NPNT: variants seen among roughly 807,000 people sequenced by gnomAD.
The protein encoded by NPNT is preosteoblast EGF-like repeat protein with MAM domain.
A neutral mutation model predicts 68.6 loss-of-function variants in NPNT; 45 were observed. That is an observed-to-expected ratio of 0.66 (90% confidence interval 0.52 to 0.84). The LOEUF (loss-of-function observed/expected upper bound fraction) is 0.84, where lower values mean the gene tolerates loss of function less well. Among genes scored for constraint, NPNT ranks in the 40% least tolerant of loss-of-function variants. The probability of loss-of-function intolerance (pLI) is 0.00; values close to 1 mark genes in which losing one functional copy is unlikely to be tolerated. For synonymous variants in NPNT, 233 were observed against 253.3 expected, an observed-to-expected ratio of 0.92 and a Z score of 0.76; for missense variants, 672 against 714.8, an observed-to-expected ratio of 0.94 and a Z score of 0.68.
intron 10 of NPNT, among the ~76,000 whole-genome samples, chr4:105,960,989 C>G (rs1731676943): frequency 6.6e-6 from 1 of 152,112 alleles, no homozygotes; most frequent in African/African-American, 2.4e-5. Flanking sequence ...GAAAAGGAAT[C>G]TCTTTTAATT....
chr4:105,957,054 A>G (rs1423349709), intron 8 of NPNT, among the ~76,000 whole-genome samples: 6 of 151,984 alleles, frequency 3.9e-5, no homozygotes, highest in Admixed American at 3.9e-4. Flanking sequence ...ACTGTTTCAT[A>G]GTGTTCTACA....
chr4:105,960,198 T>G (rs113828509), intron 10 of NPNT, among the ~76,000 whole-genome samples: 1 of 152,216 alleles, frequency 6.6e-6, no homozygotes, highest in Non-Finnish European at 1.5e-5. Context: ...CTCCTGATTC[T>G]AGATTTTAAG....
At chr4:105,940,023 T>A in intron 5 of NPNT, 52 bp from the exon 6 acceptor site, 9 of 1,530,408 alleles carry the variant, frequency 5.9e-6, no homozygotes, top group Non-Finnish European at 3.6e-6. Flanking sequence ...AAACCCACTC[T>A]GTCTTAACAT....
At chr4:105,923,747 C>T (rs765501415) in intron 2 of NPNT, among the ~76,000 whole-genome samples, 9 of 152,132 alleles carry the variant, frequency 5.9e-5, no homozygotes, top group Non-Finnish European at 1.2e-4. Flanking sequence ...CACCCCATCA[C>T]TTCTGCTTTC....
chr4:105,895,927 G>A, intron 1 of NPNT: 1 of 563,146 alleles, frequency 1.8e-6, no homozygotes, highest in Non-Finnish European at 3.1e-6. Context: ...GCCCTTGCGA[G>A]TCTGGGACCC....
intron 7 of NPNT, 105 bp downstream of exon 7, chr4:105,940,741 A>G (rs1369637247): frequency 1.0e-6 from 1 of 992,024 alleles, no homozygotes; most frequent in African/African-American, 1.6e-5. Context: ...AAGAAGTATA[A>G]TTGTCATAAT....
intron 2 of NPNT, among the ~76,000 whole-genome samples, chr4:105,905,027 C>T (rs1409273630): frequency 1.3e-5 from 2 of 151,844 alleles, no homozygotes; most frequent in Non-Finnish European, 2.9e-5. Context: ...TGAGACACCG[C>T]GCCCGGCCAT....
chr4:105,946,866 GA>G (rs1260583091), intron 8 of NPNT, among the ~76,000 whole-genome samples: 1 of 152,104 alleles, frequency 6.6e-6, no homozygotes, highest in African/African-American at 2.4e-5. Flanking sequence ...TTAAACAACA[GA>G]AAACAGGTTC....
chr4:105,936,409 G>A (rs574012715), intron 3 of NPNT, among the ~76,000 whole-genome samples: 13 of 150,482 alleles, frequency 8.6e-5, no homozygotes, highest in South Asian at 4.3e-4. Flanking sequence ...AATTTATTTC[G>A]TTCTTATCCT....
Position 105,895,528 on chromosome 4 carries a change from G to C in NPNT, c.-125G>C. The C allele has an allele frequency of 1.3e-6, 1 of 763,178 alleles. No homozygotes were observed. The highest frequency in any genetic ancestry group is 1.9e-5 in the South Asian group (1 of 53,550). The allele number at this position is 763,178 out of a possible 1,614,324, so 47.3% of individuals were successfully genotyped here. On this transcript the variant is annotated 5_prime_UTR_variant, in exon 1 of 12. Transcript: ENST00000379987. ...CCGCTGTCCTCCGGGAGCGGCAGCA[G>C]TAGCCCGGGCGGCGAGGGCTGGGGG...
chr4:105,895,919 C>CTCT, intron 1 of NPNT, 196 bp downstream of exon 1: 1 of 576,546 alleles, frequency 1.7e-6, no homozygotes. Flanking sequence ...GAGGGCGCGC[C>CTCT]CTTGCGAGTC....
chr4:105,897,955 T>C lies in NPNT; in HGVS notation c.126T>C (p.Ile42=). The C allele has an allele frequency of 6.2e-7, 1 of 1,613,644 alleles. No individual in the cohort carries two copies. The highest frequency in any genetic ancestry group is 8.5e-7 in the Non-Finnish European group (1 of 1,179,848). Residue 42 remains isoleucine, a synonymous_variant, in exon 2 of 12, where the codon ATT becomes ATC. Coordinates refer to ENST00000379987, the MANE Select transcript of NPNT (RefSeq NM_001033047.3). ...SIGLCRYGGR[I]DCCWGWARQS... The stretch of plus-strand genomic sequence containing the variant: ...GCCTATGTCGTTATGGTGGGAGGAT[T>C]GACTGCTGCTGGGGCTGGGCTCGCC...
At chr4:105,928,014 A>T (rs1300506681) in intron 3 of NPNT, among the ~76,000 whole-genome samples, 1 of 152,170 alleles carries the variant, frequency 6.6e-6, no homozygotes, top group Non-Finnish European at 1.5e-5. Flanking sequence ...TATATATATA[A>T]TCCATTTTTA....
chr4:105,944,472 C>T (rs543067652), intron 8 of NPNT, among the ~76,000 whole-genome samples: 1 of 152,186 alleles, frequency 6.6e-6, no homozygotes, highest in South Asian at 2.1e-4. Flanking sequence ...TTTAAAAAAT[C>T]CTTTCTCTTT....
At chr4:105,946,849 A>G (rs551853050) in intron 8 of NPNT, among the ~76,000 whole-genome samples, 1 of 152,294 alleles carries the variant, frequency 6.6e-6, no homozygotes, top group South Asian at 2.1e-4. Flanking sequence ...TTGTCTTGAT[A>G]AACATCTTAA....
chr4:105,962,742 A>G (rs749580178), intron 10 of NPNT, among the ~76,000 whole-genome samples: 2 of 152,146 alleles, frequency 1.3e-5, no homozygotes, highest in South Asian at 4.1e-4. Flanking sequence ...TGCAGAATAT[A>G]TTTTTAGAAT....
chr4:105,903,783 CTTT>C (rs746122761), intron 2 of NPNT, among the ~76,000 whole-genome samples: 7 of 126,940 alleles, frequency 5.5e-5, no homozygotes, highest in Admixed American at 8.0e-5. Context: ...GACCTTCTTA[CTTT>C]TTTTTTTTTT....
intron 4 of NPNT, among the ~76,000 whole-genome samples, chr4:105,937,893 T>G (rs536797769): frequency 1.3e-5 from 2 of 152,332 alleles, no homozygotes; most frequent in South Asian, 4.1e-4. Context: ...TGCATAAGTA[T>G]AGCATGGAAC....
chr4:105,941,653 T>C (rs1007478478), intron 7 of NPNT, among the ~76,000 whole-genome samples: 1 of 152,182 alleles, frequency 6.6e-6, no homozygotes, highest in Admixed American at 6.5e-5. Context: ...TGATTCTTTT[T>C]GATGAAGATT....
Sources: gnomAD v4.1 joint callset for allele counts (sites outside exome capture counted in the v4.1 genomes callset) on GRCh38, gnomAD v4.1.1 for gene constraint, MANE v1.5 for transcripts, NCBI Gene and HGNC (gene_info 2026-07-23, HGNC 2026-07-21) for gene names.